Variants in KLHL2 observed in about 807,000 individuals in gnomAD.
KLHL2 encodes the protein kelch like family member 2, also known as kelch-like protein 2.
KLHL2 carries 15 observed loss-of-function variants against 75.8 expected under a neutral mutation model. That is an observed-to-expected ratio of 0.20 (90% CI 0.13 to 0.30). KLHL2 has a LOEUF of 0.30. Ranked by LOEUF, KLHL2 falls within the 10% of genes least tolerant of loss-of-function variation. The pLI is 1.00. For synonymous variants in KLHL2, 214 were observed against 251.9 expected, an observed-to-expected ratio of 0.85 and a Z score of 1.42; for missense variants, 381 against 741.0, an observed-to-expected ratio of 0.51 and a Z score of 5.64.
At chr4:165,211,300 A>G (rs955323076) in intron 1 of KLHL2, among the ~76,000 whole-genome samples, 2 of 152,274 alleles carry the variant, frequency 1.3e-5, no homozygotes, top group African/African-American at 2.4e-5. Flanking sequence ...ACATTTTAGT[A>G]TCCTTCCTCA....
chr4:165,250,343 A>G (rs1292326811), intron 4 of KLHL2, among the ~76,000 whole-genome samples: 1 of 152,212 alleles, frequency 6.6e-6, no homozygotes, highest in East Asian at 1.9e-4. Context: ...AGAAACATCT[A>G]CTGAGCAGTT....
Position 165,298,520 on chromosome 4 carries a change from A to G in KLHL2, c.771+795A>G, listed in dbSNP as rs151045692. Among the ~76,000 whole-genome samples, 1,355 of 152,298 alleles carry G rather than the reference A, an allele frequency of 8.9e-3. 14 individuals are homozygous for G. The highest frequency in any genetic ancestry group is 0.014 in the Non-Finnish European group (974 of 68,018). ...ATCCCGCTAGGAACATTTCAGCATTATTTTAATAATTGAAACCATTGAAAG... is the reference window on the plus strand; with the variant it reads ...ATCCCGCTAGGAACATTTCAGCATTGTTTTAATAATTGAAACCATTGAAAG... On this transcript the variant is annotated intron_variant, in intron 7 of 14. Transcript: ENST00000226725.
At chr4:165,227,856 T>A (rs374132076) in intron 2 of KLHL2, among the ~76,000 whole-genome samples, 1 of 134,948 alleles carries the variant, frequency 7.4e-6, no homozygotes, top group Non-Finnish European at 1.6e-5. Flanking sequence ...ATTAGAGATA[T>A]AATAATTATG....
chr4:165,262,051 T>G (rs1364956822), intron 4 of KLHL2, among the ~76,000 whole-genome samples: 2 of 152,216 alleles, frequency 1.3e-5, no homozygotes, highest in Non-Finnish European at 2.9e-5. Context: ...TTTTTCTCCT[T>G]AATTTGACTT....
At chr4:165,217,557 T>C (rs1737636380) in intron 1 of KLHL2, among the ~76,000 whole-genome samples, 1 of 152,208 alleles carries the variant, frequency 6.6e-6, no homozygotes, top group Non-Finnish European at 1.5e-5. Flanking sequence ...AGCCTTGCGC[T>C]AATTCATTTG....
intron 14 of KLHL2, among the ~76,000 whole-genome samples, chr4:165,320,059 C>G (rs774073905): frequency 7.2e-5 from 11 of 152,124 alleles, no homozygotes; most frequent in Non-Finnish European, 1.2e-4. Context: ...TTCTGTCAAC[C>G]AAGGGGCCAG....
chr4:165,312,253 A>G (rs867934356), intron 11 of KLHL2, among the ~76,000 whole-genome samples: 27 of 152,118 alleles, frequency 1.8e-4, no homozygotes, highest in Admixed American at 1.6e-3. Context: ...CTGCTGCTGT[A>G]TAAGACTGTC....
At chr4:165,233,424 T>C (rs1225037662) in intron 3 of KLHL2, among the ~76,000 whole-genome samples, 1 of 148,802 alleles carries the variant, frequency 6.7e-6, no homozygotes, top group Non-Finnish European at 1.5e-5. Flanking sequence ...TGGGAAGTAC[T>C]GAATACTAAA....
chr4:165,260,481 A>G (rs1050278019), intron 4 of KLHL2, among the ~76,000 whole-genome samples: 20 of 152,150 alleles, frequency 1.3e-4, no homozygotes, highest in African/African-American at 4.8e-4. Context: ...TCGGTCTCCT[A>G]ATACGGTAGA....
chr4:165,211,732 A>T (rs1332530457), intron 1 of KLHL2, among the ~76,000 whole-genome samples: 1 of 152,234 alleles, frequency 6.6e-6, no homozygotes, highest in Non-Finnish European at 1.5e-5. Context: ...AGTGTTACAT[A>T]TAGAGACAAC....
chr4:165,243,334 A>G (rs1191612157), intron 4 of KLHL2, among the ~76,000 whole-genome samples: 1 of 152,248 alleles, frequency 6.6e-6, no homozygotes, highest in Non-Finnish European at 1.5e-5. Flanking sequence ...GTTACAAACA[A>G]AGGTAATGCT....
chr4:165,260,366 G>A (rs1741555329), intron 4 of KLHL2, among the ~76,000 whole-genome samples: 1 of 152,102 alleles, frequency 6.6e-6, no homozygotes, highest in South Asian at 2.1e-4. Flanking sequence ...AATTATATGT[G>A]AATATAATCT....
chr4:165,239,029 A>T, intron 4 of KLHL2, 130 bp downstream of exon 4: 1 of 1,424,194 alleles, frequency 7.0e-7, no homozygotes, highest in Non-Finnish European at 9.3e-7. Flanking sequence ...ATTTCTAAAA[A>T]ATATTTGGAA....
chr4:165,299,013 A>C (rs1343167280), intron 7 of KLHL2, among the ~76,000 whole-genome samples: 7 of 143,308 alleles, frequency 4.9e-5, no homozygotes, highest in Non-Finnish European at 1.0e-4. Context: ...GCTAGGCAGT[A>C]CAAGATTTAT....
At chr4:165,231,035 T>C (rs190233656) in intron 3 of KLHL2, among the ~76,000 whole-genome samples, 9 of 152,376 alleles carry the variant, frequency 5.9e-5, no homozygotes, top group East Asian at 3.9e-4. Context: ...TTTAGATTGC[T>C]ATGCGCTAAA....
At chr4:165,268,879 T>C (rs1263380289) in intron 5 of KLHL2, among the ~76,000 whole-genome samples, 2 of 152,202 alleles carry the variant, frequency 1.3e-5, no homozygotes, top group African/African-American at 4.8e-5. Flanking sequence ...GTTATTAACC[T>C]TCTGTCTCGT....
intron 5 of KLHL2, among the ~76,000 whole-genome samples, chr4:165,264,704 G>GTGTATATATA (rs1323043527): frequency 2.4e-5 from 2 of 82,842 alleles, no homozygotes; most frequent in African/African-American, 4.6e-5. Context: ...GTGTGTGTGT[G>GTGTATATATA]TATATATATA....
At chr4:165,223,301 G>A (rs1318805378) in intron 2 of KLHL2, among the ~76,000 whole-genome samples, 1 of 152,250 alleles carries the variant, frequency 6.6e-6, no homozygotes, top group African/African-American at 2.4e-5. Context: ...CTAGAGAGCT[G>A]CTGGACACAT....
At chr4:165,277,225 A>G (rs1289296326) in intron 5 of KLHL2, among the ~76,000 whole-genome samples, 1 of 152,182 alleles carries the variant, frequency 6.6e-6, no homozygotes, top group African/African-American at 2.4e-5. Context: ...TATAAAATAT[A>G]TAGGCATATA....
Sources: gnomAD v4.1 joint callset for allele counts (sites outside exome capture counted in the v4.1 genomes callset) on GRCh38, gnomAD v4.1.1 for gene constraint, MANE v1.5 for transcripts, NCBI Gene and HGNC (gene_info 2026-07-23, HGNC 2026-07-21) for gene names.